The following IL5RA variants were observed in gnomAD, a reference collection of about 807,000 sequenced individuals.
IL5RA encodes the protein interleukin 5 receptor subunit alpha, also known as interleukin-5 receptor subunit alpha.
A neutral mutation model predicts 50.0 loss-of-function variants in IL5RA; 49 were observed. The observed-to-expected ratio is 0.98, with a 90% CI of 0.78 to 1.24. IL5RA has a LOEUF of 1.24. Among genes scored for constraint, IL5RA ranks in the 50% most tolerant of loss-of-function variants. The probability of loss-of-function intolerance (pLI) is 0.00; values close to 1 mark genes in which losing one functional copy is unlikely to be tolerated. For missense variants in IL5RA, 600 were observed against 500.4 expected, an observed-to-expected ratio of 1.20 and a Z score of -1.90; for synonymous variants, 202 against 174.0, an observed-to-expected ratio of 1.16 and a Z score of -1.26.
At chr3:3,083,465 GCATTCAGGAT>G (rs1312468704) in intron 9 of IL5RA, among the ~76,000 whole-genome samples, 2 of 152,204 alleles carry the variant, frequency 1.3e-5, no homozygotes, top group Non-Finnish European at 2.9e-5. Flanking sequence ...ATTTGTGTGT[GCATTCAGGAT>G]CAGCTGGATG....
intron 3 of IL5RA, among the ~76,000 whole-genome samples, chr3:3,103,994 A>G (rs568454013): frequency 8.5e-4 from 129 of 152,306 alleles, no homozygotes; most frequent in Admixed American, 3.5e-3. Context: ...TGCATTGTCC[A>G]TTACGGTAGC....
At chr3:3,072,634 T>C (rs909984162) in intron 11 of IL5RA, among the ~76,000 whole-genome samples, 4 of 152,208 alleles carry the variant, frequency 2.6e-5, no homozygotes, top group African/African-American at 9.6e-5. Flanking sequence ...TTAAACTAGA[T>C]GTGGGCTGGG....
chr3:3,097,105 G>A (rs1703401164), intron 7 of IL5RA, among the ~76,000 whole-genome samples: 1 of 152,220 alleles, frequency 6.6e-6, no homozygotes, highest in Non-Finnish European at 1.5e-5. Flanking sequence ...AACTAAGAAT[G>A]CCATGTGAGA....
intron 7 of IL5RA, among the ~76,000 whole-genome samples, chr3:3,096,599 A>G (rs1703378426): frequency 6.6e-6 from 1 of 152,216 alleles, no homozygotes; most frequent in South Asian, 2.1e-4. Flanking sequence ...ATCATAAAAG[A>G]AAAATGAATT....
intron 5 of IL5RA, among the ~76,000 whole-genome samples, chr3:3,100,118 T>C (rs962236240): frequency 1.3e-5 from 2 of 152,216 alleles, no homozygotes; most frequent in Non-Finnish European, 2.9e-5. Flanking sequence ...GCCTTGTTGG[T>C]GGTTGCTCAG....
chr3:3,080,814 C>T (rs559624518), intron 9 of IL5RA, among the ~76,000 whole-genome samples: 1 of 152,290 alleles, frequency 6.6e-6, no homozygotes, highest in Admixed American at 6.5e-5. Flanking sequence ...CTCGCCTTAG[C>T]CTCCGAAGTA....
In IL5RA at chr3:3,097,876, C is replaced by G. The variant is rs142806481; in HGVS notation, c.703G>C (p.Ala235Pro). 10 of 1,612,534 alleles carry G rather than the reference C, an allele frequency of 6.2e-6. No homozygotes were observed. The highest frequency in any genetic ancestry group is 8.5e-6 in the Non-Finnish European group (10 of 1,179,140). The change falls in exon 7 of 12, where the codon GCC becomes CCC. Residue 235 changes from alanine to proline, a missense_variant. Physicochemically the swap from Ala to Pro is conservative, Grantham distance 27. Transcript: ENST00000446632. ...TGGGTTAAGTCGGTCTTACCAATGG[C>G]GTGAAGGGCAAACAGCTGATCAAAG... Reference protein sequence around the residue: ...RPFDQLFALHAIDQINPPLNV... With the variant: ...RPFDQLFALHPIDQINPPLNV...
chr3:3,106,352 T>C (rs1703921812), intron 2 of IL5RA, among the ~76,000 whole-genome samples: 1 of 152,204 alleles, frequency 6.6e-6, no homozygotes, highest in Non-Finnish European at 1.5e-5. Flanking sequence ...CATTATTACT[T>C]CTTAAATTAT....
intron 2 of IL5RA, among the ~76,000 whole-genome samples, chr3:3,107,692 T>G (rs1400693746): frequency 6.6e-6 from 1 of 152,230 alleles, no homozygotes; most frequent in African/African-American, 2.4e-5. Flanking sequence ...CATGATCTAC[T>G]TGCTCATATA....
Position 3,092,511 on chromosome 3 carries a change from C to T in IL5RA, c.856-149G>A. ...CAGGGCACACATTAATTCGTTTATG[C>T]TAGGTGCGTTAGTGTGGATGTGTTG... On this transcript the variant is annotated intron_variant, in intron 8 of 11. Coordinates refer to ENST00000446632, the MANE Select transcript of IL5RA (RefSeq NM_175726.4). The surrounding 1 kb of genome is among the most constrained non-coding windows in gnomAD (Gnocchi z 4.2). The T allele has an allele frequency of 1.4e-6, 1 of 733,278 alleles. No homozygotes were observed. 45.4% of individuals were successfully genotyped at this position (733,278 alleles called of 1,614,324 possible). A position where few individuals can be genotyped will look rare whatever the true frequency, so the allele number is the denominator to read the frequency against.
rs1702211900 is a variant in IL5RA at position 3,068,994 on chromosome 3, T to C, written c.*1231A>G. The C allele has an allele frequency of 6.6e-6, 1 of 152,186 alleles. No individual in the cohort carries two copies. Among genetic ancestry groups the C allele is most frequent in the Non-Finnish European group, 1.5e-5 (1 of 68,046 alleles). The allele number at this position is 152,186 out of a possible 1,614,324, so 9.4% of individuals were successfully genotyped here. A position where few individuals can be genotyped will look rare whatever the true frequency, so the allele number is the denominator to read the frequency against. On this transcript the variant is annotated 3_prime_UTR_variant, in exon 12 of 12. Transcript: ENST00000446632. Reference sequence around the variant, plus strand: ...GAAAACAAACAAACCTGGAAATATATGGTAGTCAGTGTGTCCCCACCGATG... The same window carrying C: ...GAAAACAAACAAACCTGGAAATATACGGTAGTCAGTGTGTCCCCACCGATG...
rs1479231333 is a variant in IL5RA at position 3,098,154 on chromosome 3, C to G, written c.504G>C (p.Gln168His). ...LVGTDAPEDT[Q>H]YFLYYRYGSW... Reference sequence around the variant, plus strand: ...GTACTAACCTATAGTAGAGAAAATACTGCGTGTCCTCAGGGGCATCTGTGC... The same window carrying G: ...GTACTAACCTATAGTAGAGAAAATAGTGCGTGTCCTCAGGGGCATCTGTGC... The change falls in exon 6 of 12, where the codon CAG becomes CAC. Residue 168 changes from glutamine to histidine, a missense_variant. By Grantham distance (24) the Gln-to-His change is conservative. Transcript: ENST00000446632. 1 of 1,614,172 alleles carries G rather than the reference C, an allele frequency of 6.2e-7. No individual in the cohort carries two copies. The highest frequency in any genetic ancestry group is 1.7e-5 in the Admixed American group (1 of 60,022).
At position 3,102,507 on chromosome 3, in the gene IL5RA, C is replaced by A. The variant is rs76448231; in HGVS notation, c.228+168G>T. 2.1e-3 allele frequency among the ~76,000 whole-genome samples: 320 copies of A among 152,308 alleles called. 2 individuals are homozygous for A. The highest frequency in any genetic ancestry group is 6.8e-3 in the Middle Eastern group (2 of 294). ...GCTGTTTAACGCTGAACAATACACCCGGCGCTAGCTCACAGGCATTCTTAG... is the reference window on the plus strand; with the variant it reads ...GCTGTTTAACGCTGAACAATACACCAGGCGCTAGCTCACAGGCATTCTTAG... On this transcript the variant is annotated intron_variant, in intron 4 of 11. Transcript: ENST00000446632.
chr3:3,090,218 G>A lies in IL5RA; in HGVS notation c.994+2006C>T, dbSNP rs772355236. 11 of 1,610,158 alleles carry A rather than the reference G, an allele frequency of 6.8e-6. No homozygotes were observed. The South Asian group carries it at 9.9e-5, about 15-fold the overall frequency. On this transcript the variant is annotated intron_variant, in intron 9 of 11. Coordinates refer to ENST00000446632, the MANE Select transcript of IL5RA (RefSeq NM_175726.4). The stretch of plus-strand genomic sequence containing the variant: ...GTTTTTATTTCAGATACGGTGTGGG[G>A]CAGGAAAGCTGGATGTTATCTCCTT...
At chr3:3,075,203 C>CTTTTTTTTTTTTTT (rs10642608) in intron 10 of IL5RA, among the ~76,000 whole-genome samples, 3 of 69,938 alleles carry the variant, frequency 4.3e-5, no homozygotes, top group African/African-American at 6.0e-5. Flanking sequence ...AGTTTACTTA[C>CTTTTTTTTTTTTTT]TTTTTTTTTT....
At chr3:3,106,812 T>A (rs1286713447) in intron 2 of IL5RA, among the ~76,000 whole-genome samples, 1 of 152,164 alleles carries the variant, frequency 6.6e-6, no homozygotes. Flanking sequence ...TAATTTTCAA[T>A]AATAGGAATT....
chr3:3,082,495 G>T (rs1401319786), intron 9 of IL5RA, among the ~76,000 whole-genome samples: 1 of 152,202 alleles, frequency 6.6e-6, no homozygotes, highest in Non-Finnish European at 1.5e-5. Flanking sequence ...TGCTTTTTAG[G>T]CATCACTAAC....
rs71058670 is a variant in IL5RA, at chr3:3,070,575, C to CTTTTTTTTTTTTTTTTT, written c.1177-281_1177-265dup. On this transcript the variant is annotated intron_variant, in intron 11 of 11. Coordinates refer to ENST00000446632, the MANE Select transcript of IL5RA (RefSeq NM_175726.4). ...TACTTGAAGTCATATGGATACACATCTTTTTTTTTTTTTTTTTTTTTTTTT... is the reference window on the plus strand; with the variant it reads ...TACTTGAAGTCATATGGATACACATCTTTTTTTTTTTTTTTTTTTTTTTTTTTTTTTTTTTTTTTTTT... Among the ~76,000 whole-genome samples, 41 of 84,916 alleles carry CTTTTTTTTTTTTTTTTT rather than the reference C, an allele frequency of 4.8e-4. 9 individuals are homozygous for CTTTTTTTTTTTTTTTTT. Among genetic ancestry groups the CTTTTTTTTTTTTTTTTT allele is most frequent in the African/African-American group, 2.2e-3 (41 of 18,474 alleles). The allele number at this position is 84,916 out of a possible 152,430, so 55.7% of individuals were successfully genotyped here. A position where few individuals can be genotyped will look rare whatever the true frequency, so the allele number is the denominator to read the frequency against.
chr3:3,108,539 C>G lies in IL5RA; in HGVS notation c.-4+11G>C, dbSNP rs1227192639. Reference sequence around the variant, plus strand: ...CAATTTGTCATCTCACATCCATGCTCCTGGGCGTACCTGTCTACAGACGAT... The same window carrying G: ...CAATTTGTCATCTCACATCCATGCTGCTGGGCGTACCTGTCTACAGACGAT... On this transcript the variant is annotated intron_variant, in intron 2 of 11. Coordinates refer to ENST00000446632, the MANE Select transcript of IL5RA (RefSeq NM_175726.4). 1 of 152,252 alleles carries G rather than the reference C, an allele frequency of 6.6e-6. No individual in the cohort carries two copies. Among genetic ancestry groups the G allele is most frequent in the Non-Finnish European group, 1.5e-5 (1 of 68,042 alleles). The allele number at this position is 152,252 out of a possible 1,614,324, so 9.4% of individuals were successfully genotyped here.
Sources: gnomAD v4.1 joint callset for allele counts (sites outside exome capture counted in the v4.1 genomes callset) on GRCh38, gnomAD v4.1.1 for gene constraint, Gnocchi (gnomAD v3.1) non-coding constraint, MANE v1.5 for transcripts, NCBI Gene and HGNC (gene_info 2026-07-23, HGNC 2026-07-21) for gene names.